Variants in RPTOR observed in about 807,000 individuals in gnomAD.
The protein encoded by RPTOR is regulatory associated protein of MTOR complex 1, also known as regulatory-associated protein of mTOR.
In RPTOR, 21 loss-of-function variants were observed where a neutral mutation model predicts 169.9. The observed-to-expected ratio is 0.12, with a 90% CI of 0.09 to 0.18. The LOEUF is 0.18. RPTOR is among the 10% of genes least tolerant of loss of function. The probability of loss-of-function intolerance (pLI) is 1.00; values close to 1 mark genes in which losing one functional copy is unlikely to be tolerated. For synonymous variants in RPTOR, 732 were observed against 753.2 expected, an observed-to-expected ratio of 0.97 and a Z score of 0.46; for missense variants, 1,133 against 1,855.9, an observed-to-expected ratio of 0.61 and a Z score of 7.16.
intron 1 of RPTOR, among the ~76,000 whole-genome samples, chr17:80,575,308 T>G (rs941648812): frequency 6.6e-6 from 1 of 152,252 alleles, no homozygotes; most frequent in African/African-American, 2.4e-5. Flanking sequence ...TATACAGTAT[T>G]TTTGTTCAGT....
intron 5 of RPTOR, among the ~76,000 whole-genome samples, chr17:80,753,357 G>A (rs568653260): frequency 7.1e-5 from 10 of 141,712 alleles, no homozygotes; most frequent in Admixed American, 2.8e-4. Context: ...CGTTTAGGCC[G>A]GGCGCGGTGG....
At chr17:80,642,230 G>A (rs2065559694) in intron 2 of RPTOR, among the ~76,000 whole-genome samples, 1 of 151,952 alleles carries the variant, frequency 6.6e-6, no homozygotes, top group South Asian at 2.1e-4. Context: ...TCTGCCTCCA[G>A]GGTTCAAGTG....
intron 9 of RPTOR, among the ~76,000 whole-genome samples, chr17:80,836,247 G>T (rs528453294): frequency 1.3e-5 from 2 of 152,228 alleles, no homozygotes; most frequent in African/African-American, 4.8e-5. Context: ...CATGGCTCCC[G>T]GTCAGATCTT....
intron 13 of RPTOR, among the ~76,000 whole-genome samples, chr17:80,869,643 G>T (rs1242143395): frequency 6.6e-6 from 1 of 152,160 alleles, no homozygotes; most frequent in Non-Finnish European, 1.5e-5. Context: ...CAGCAGGATT[G>T]GGAGGAGTTT....
intron 5 of RPTOR, among the ~76,000 whole-genome samples, chr17:80,735,087 G>A (rs763272875): frequency 2.6e-5 from 4 of 152,204 alleles, no homozygotes; most frequent in Non-Finnish European, 2.9e-5. Flanking sequence ...GCTTTAGACC[G>A]AGTTGGCCAG....
At chr17:80,740,008 A>G (rs928068502) in intron 5 of RPTOR, among the ~76,000 whole-genome samples, 2 of 152,214 alleles carry the variant, frequency 1.3e-5, no homozygotes, top group Non-Finnish European at 2.9e-5. Flanking sequence ...CAGAAAAAAA[A>G]TCAATAAAAT....
chr17:80,828,628 G>T (rs923758858), intron 9 of RPTOR, among the ~76,000 whole-genome samples: 1 of 152,200 alleles, frequency 6.6e-6, no homozygotes, highest in Admixed American at 6.5e-5. Context: ...TGCTCACCCT[G>T]CCTTTGAATG....
rs536582622 is a variant in RPTOR, at chr17:80,946,390, C to T, written c.3140+609C>T. Among the ~76,000 whole-genome samples, 7 of 152,332 alleles carry T rather than the reference C, an allele frequency of 4.6e-5. No individual in the cohort carries two copies. In the East Asian group the frequency reaches 5.8e-4, roughly 13 times the overall value. ...TGAGTGCGCAGCCAGTGGCATTCAG[C>T]GTATTCACATTGTTATGCAACCATC... On this transcript the variant is annotated intron_variant, in intron 26 of 33. Coordinates refer to ENST00000306801, the MANE Select transcript of RPTOR (RefSeq NM_020761.3).
chr17:80,762,907 C>T (rs566674708), intron 6 of RPTOR, among the ~76,000 whole-genome samples: 3 of 152,174 alleles, frequency 2.0e-5, no homozygotes, highest in South Asian at 2.1e-4. Context: ...GTGTGAGATA[C>T]GATGGCTAAA....
At chr17:80,697,267 G>T (rs35007677) in intron 3 of RPTOR, among the ~76,000 whole-genome samples, 40,586 of 152,188 alleles carry the variant, frequency 0.27, 7,496 homozygotes, top group African/African-American at 0.53. Flanking sequence ...GCAGGCTGTA[G>T]GTAGTATTGG....
chr17:80,866,394 G>A (rs1167948916), intron 13 of RPTOR, among the ~76,000 whole-genome samples: 1 of 152,172 alleles, frequency 6.6e-6, no homozygotes, highest in Non-Finnish European at 1.5e-5. Flanking sequence ...CCTGAAGAGG[G>A]CAGCGTGAGT....
At chr17:80,619,688 A>G (rs1289663664) in intron 1 of RPTOR, among the ~76,000 whole-genome samples, 1 of 152,166 alleles carries the variant, frequency 6.6e-6, no homozygotes, top group South Asian at 2.1e-4. Context: ...GATTGATTCC[A>G]TGGAGAGTGG....
chr17:80,796,842 G>A (rs908673408), intron 7 of RPTOR, among the ~76,000 whole-genome samples: 1 of 152,186 alleles, frequency 6.6e-6, no homozygotes, highest in Non-Finnish European at 1.5e-5. Flanking sequence ...GTGTGACAGA[G>A]GTTAAATTGC....
At chr17:80,954,389 T>C (rs1255376510) in intron 28 of RPTOR, among the ~76,000 whole-genome samples, 1 of 152,218 alleles carries the variant, frequency 6.6e-6, no homozygotes, top group African/African-American at 2.4e-5. Flanking sequence ...CCCAAAGTGC[T>C]GGGATTACAG....
chr17:80,764,312 C>A (rs1264387649), intron 6 of RPTOR, among the ~76,000 whole-genome samples: 3 of 114,288 alleles, frequency 2.6e-5, no homozygotes, highest in African/African-American at 1.0e-4. Flanking sequence ...TCCCTCCCCC[C>A]TCCCCCCACC....
intron 1 of RPTOR, among the ~76,000 whole-genome samples, chr17:80,567,527 C>G (rs1599556770): frequency 1.3e-5 from 2 of 152,052 alleles, no homozygotes; most frequent in East Asian, 3.9e-4. Flanking sequence ...CGCGGTGGCT[C>G]ACGCCTGTAA....
chr17:80,654,686 C>A (rs1202673707), intron 3 of RPTOR, among the ~76,000 whole-genome samples: 1 of 152,188 alleles, frequency 6.6e-6, no homozygotes, highest in Non-Finnish European at 1.5e-5. Context: ...GCCCTGAAGT[C>A]AAGTCATTTT....
At chr17:80,897,440 T>C (rs1250856047) in intron 20 of RPTOR, among the ~76,000 whole-genome samples, 1 of 152,238 alleles carries the variant, frequency 6.6e-6, no homozygotes, top group Non-Finnish European at 1.5e-5. Context: ...CTATTCTAGT[T>C]AGTTAAGAAT....
chr17:80,806,632 T>C (rs751801868), intron 7 of RPTOR, among the ~76,000 whole-genome samples: 4 of 152,196 alleles, frequency 2.6e-5, no homozygotes, highest in Non-Finnish European at 4.4e-5. Context: ...CTTAATTGCC[T>C]ATACTTTAGT....
Sources: allele counts gnomAD v4.1 joint callset (sites outside exome capture counted in the v4.1 genomes callset), GRCh38; gene constraint gnomAD v4.1.1; transcripts MANE v1.5; gene names NCBI Gene and HGNC (gene_info 2026-07-23, HGNC 2026-07-21).